The following CHRM3 variants were observed in gnomAD, a reference collection of about 807,000 sequenced individuals.
The protein encoded by CHRM3 is muscarinic acetylcholine receptor M3.
In CHRM3, 11 loss-of-function variants were observed where a neutral mutation model predicts 41.8. The ratio of observed to expected loss-of-function variants is 0.26; its 90% CI spans 0.17 to 0.44. CHRM3 has a LOEUF of 0.44. CHRM3 is among the 20% of genes least tolerant of loss of function. The probability of loss-of-function intolerance (pLI) is 1.00; values close to 1 mark genes in which losing one functional copy is unlikely to be tolerated. For missense variants in CHRM3, 571 were observed against 745.4 expected (o/e 0.77, Z 2.72); for synonymous variants, 297 against 301.4 (o/e 0.99, Z 0.15).
chr1:239,573,049 C>G (rs772117870), intron 3 of CHRM3, among the ~76,000 whole-genome samples: 3 of 152,164 alleles, frequency 2.0e-5, no homozygotes, highest in African/African-American at 4.8e-5. Flanking sequence ...GGGTTTGGCC[C>G]TACCCTAGTA....
intron 2 of CHRM3, among the ~76,000 whole-genome samples, chr1:239,521,282 T>C (rs1237944121): frequency 6.6e-6 from 1 of 152,198 alleles, no homozygotes; most frequent in Non-Finnish European, 1.5e-5. Context: ...CAGGCTAATA[T>C]TGCCCTATTT....
At chr1:239,636,748 AT>A (rs1670504464) in intron 4 of CHRM3, among the ~76,000 whole-genome samples, 2 of 152,224 alleles carry the variant, frequency 1.3e-5, no homozygotes, top group South Asian at 2.1e-4. Flanking sequence ...CACTTTATTA[AT>A]GAATGTGCGT....
chr1:239,646,350 A>G (rs1485213608), intron 4 of CHRM3, among the ~76,000 whole-genome samples: 1 of 152,204 alleles, frequency 6.6e-6, no homozygotes, highest in Admixed American at 6.5e-5. Context: ...GACAAGCTAT[A>G]CACGTATTTT....
intron 3 of CHRM3, among the ~76,000 whole-genome samples, chr1:239,554,452 ATGTGTGTG>A (rs766457306): frequency 1.3e-5 from 2 of 150,670 alleles, no homozygotes; most frequent in African/African-American, 4.9e-5. Context: ...AAGGCATAGA[ATGTGTGTG>A]TGTGTGTGTG....
chr1:239,782,391 G>T (rs1159984324), intron 5 of CHRM3, among the ~76,000 whole-genome samples: 7 of 151,964 alleles, frequency 4.6e-5, no homozygotes, highest in Non-Finnish European at 7.4e-5. Flanking sequence ...TCAAATTTGT[G>T]GGCAACATGT....
At chr1:239,816,102 A>G (rs896775264) in intron 5 of CHRM3, among the ~76,000 whole-genome samples, 1 of 152,004 alleles carries the variant, frequency 6.6e-6, no homozygotes, top group Non-Finnish European at 1.5e-5. Flanking sequence ...CAATTGTCAC[A>G]TATCCAGAGG....
At chr1:239,690,423 G>T (rs1346063493) in intron 5 of CHRM3, among the ~76,000 whole-genome samples, 1 of 151,788 alleles carries the variant, frequency 6.6e-6, no homozygotes, top group Non-Finnish European at 1.5e-5. Flanking sequence ...GTAGAGACGG[G>T]TTTCACCACG....
rs187950778 is a variant in CHRM3 at position 239,492,305 on chromosome 1, C to G, written c.-520-404C>G. Among the ~76,000 whole-genome samples the G allele has an allele frequency of 5.3e-4, 81 of 152,294 alleles. No individual in the cohort carries two copies. The Middle Eastern group carries it at 0.01, about 19-fold the overall frequency. On this transcript the variant is annotated intron_variant, in intron 1 of 6. Transcript: ENST00000676153. The stretch of plus-strand genomic sequence containing the variant: ...TTTTCCCACATTCTCTGTTATGACC[C>G]CTTTCTTCCCATAGTAGGTAGATTT...
At chr1:239,842,424 G>C (rs145646959) in intron 6 of CHRM3, among the ~76,000 whole-genome samples, 2,691 of 152,004 alleles carry the variant, frequency 0.018, 95 homozygotes, top group African/African-American at 0.062. Flanking sequence ...TAGTAGAGAC[G>C]GGGTTTCACC....
At chr1:239,530,088 A>G (rs1031168103) in intron 2 of CHRM3, among the ~76,000 whole-genome samples, 3 of 152,008 alleles carry the variant, frequency 2.0e-5, no homozygotes, top group African/African-American at 4.8e-5. Flanking sequence ...TATTTTTAGT[A>G]GAGATGGGGT....
intron 5 of CHRM3, among the ~76,000 whole-genome samples, chr1:239,822,251 C>T (rs745564027): frequency 5.9e-5 from 9 of 152,110 alleles, no homozygotes; most frequent in Non-Finnish European, 8.8e-5. Context: ...CAACTCTTGC[C>T]CTTTTGTAAC....
chr1:239,513,071 C>A (rs975476266), intron 2 of CHRM3, among the ~76,000 whole-genome samples: 7 of 152,136 alleles, frequency 4.6e-5, no homozygotes, highest in Non-Finnish European at 1.0e-4. Context: ...ATTCTGACAA[C>A]AAAATTCCAG....
At chr1:239,549,944 G>A (rs1376668860) in intron 3 of CHRM3, among the ~76,000 whole-genome samples, 1 of 151,772 alleles carries the variant, frequency 6.6e-6, no homozygotes, top group Admixed American at 6.6e-5. Flanking sequence ...CCTAGGAATG[G>A]AAGTGTATTC....
At chr1:239,396,692 G>A (rs967632728) in intron 1 of CHRM3, among the ~76,000 whole-genome samples, 5 of 152,088 alleles carry the variant, frequency 3.3e-5, no homozygotes, top group Admixed American at 1.3e-4. Context: ...CAAACATTAT[G>A]GAAATATATA....
At chr1:239,488,338 C>T (rs571188861) in intron 1 of CHRM3, among the ~76,000 whole-genome samples, 1 of 152,092 alleles carries the variant, frequency 6.6e-6, no homozygotes, top group Non-Finnish European at 1.5e-5. Flanking sequence ...AGTATTATTA[C>T]AGTGGACACA....
intron 4 of CHRM3, among the ~76,000 whole-genome samples, chr1:239,647,560 A>AT (rs1242364178): frequency 6.6e-6 from 1 of 151,776 alleles, no homozygotes; most frequent in Admixed American, 6.6e-5. Flanking sequence ...TTGGTTCAGA[A>AT]TTTTTTTCCT....
At chr1:239,834,925 C>T (rs1673190061) in intron 6 of CHRM3, among the ~76,000 whole-genome samples, 1 of 152,108 alleles carries the variant, frequency 6.6e-6, no homozygotes, top group Admixed American at 6.5e-5. Flanking sequence ...TGAAGTTTAA[C>T]ACATATGCTC....
At chr1:239,692,993 G>T (rs997410043) in intron 5 of CHRM3, among the ~76,000 whole-genome samples, 3 of 152,090 alleles carry the variant, frequency 2.0e-5, no homozygotes, top group African/African-American at 7.2e-5. Flanking sequence ...CATGTACTTT[G>T]TAAGTGTACA....
chr1:239,851,274 A>G (rs747547669), intron 6 of CHRM3, among the ~76,000 whole-genome samples: 1 of 152,044 alleles, frequency 6.6e-6, no homozygotes. Context: ...TTTAAAAAAC[A>G]ATTAGTTATT....
Sources: gnomAD v4.1 joint callset for allele counts (sites outside exome capture counted in the v4.1 genomes callset) on GRCh38, gnomAD v4.1.1 for gene constraint, MANE v1.5 for transcripts, NCBI Gene and HGNC (gene_info 2026-07-23, HGNC 2026-07-21) for gene names.